GOSR2: variants seen among roughly 807,000 people sequenced by gnomAD.
GOSR2 encodes 27 kDa Golgi SNARE protein.
A neutral mutation model predicts 27.9 loss-of-function variants in GOSR2; 20 were observed. The observed-to-expected ratio is 0.72, with a 90% confidence interval of 0.50 to 1.04. The LOEUF is 1.04. Among genes scored for constraint, GOSR2 ranks in the 50% least tolerant of loss-of-function variants. The pLI is 0.00. For missense variants in GOSR2, 261 were observed against 270.5 expected (o/e 0.97, Z 0.25); for synonymous variants, 91 against 98.8 (o/e 0.92, Z 0.47).
At chr17:46,960,328 AAC>A (rs1299370504) in intron 6 of GOSR2, among the ~76,000 whole-genome samples, 3 of 152,200 alleles carry the variant, frequency 2.0e-5, no homozygotes, top group African/African-American at 4.8e-5. Flanking sequence ...CATACAAACA[AAC>A]ACAACACAAA....
At chr17:46,965,710 C>T (rs1364368052) in intron 6 of GOSR2, among the ~76,000 whole-genome samples, 1 of 152,176 alleles carries the variant, frequency 6.6e-6, no homozygotes, top group African/African-American at 2.4e-5. Context: ...GCAGCCTCGA[C>T]CTCCTGGGCT....
intron 1 of GOSR2, among the ~76,000 whole-genome samples, chr17:46,924,652 T>C (rs1203844750): frequency 6.6e-6 from 1 of 152,230 alleles, no homozygotes; most frequent in Non-Finnish European, 1.5e-5. Context: ...GGCGATGAGG[T>C]GTTTCATTTG....
At chr17:46,974,597 G>A (rs971121143) in intron 6 of GOSR2, among the ~76,000 whole-genome samples, 2 of 152,190 alleles carry the variant, frequency 1.3e-5, no homozygotes, top group Non-Finnish European at 2.9e-5. Flanking sequence ...AGCTGGGCGT[G>A]GTGGCGGGCG....
At chr17:46,972,678 G>A (rs560275497) in intron 6 of GOSR2, among the ~76,000 whole-genome samples, 31 of 152,320 alleles carry the variant, frequency 2.0e-4, no homozygotes, top group African/African-American at 6.5e-4. Flanking sequence ...GGAGAAACCC[G>A]GGTTTACAGC....
downstream of GOSR2, among the ~76,000 whole-genome samples, chr17:46,970,169 T>C (rs986128489): frequency 1.3e-5 from 2 of 152,210 alleles, no homozygotes; most frequent in African/African-American, 2.4e-5. Context: ...ATCCCACGGC[T>C]GTCCTGCCTC....
At position 46,931,109 on chromosome 17, in the gene GOSR2, C is replaced by A; in HGVS notation, c.105C>A (p.Asn35Lys). 1 of 1,584,044 alleles carries A rather than the reference C, an allele frequency of 6.3e-7. No individual in the cohort carries two copies. The highest frequency in any genetic ancestry group is 1.1e-5 in the South Asian group (1 of 90,442). ...ADKQSVHIVE[N>K]EIQASIDQIF... is the part of the protein sequence containing the mutation. ...TTCTTTTTTGTACAGTAGTAGAAAA[C>A]GAAATCCAAGCAAGCATAGACCAGA... The change falls in exon 3 of 6, where the codon AAC becomes AAA. Residue 35 changes from asparagine to lysine, a missense_variant. Physicochemically the swap from Asn to Lys is moderately conservative, Grantham distance 94. Coordinates refer to ENST00000640051, the MANE Select transcript of GOSR2 (RefSeq NM_004287.5).
rs1599074418 is a variant in GOSR2, at chr17:46,940,812, A to C, written c.*2052A>C. ...CAGAGGTGGTTTTTGGGTCTTTACC[A>C]CCTGCGGCTGGTGGACAGCAGCCAG... is the stretch of plus-strand genomic sequence containing the variant. On this transcript the variant is annotated 3_prime_UTR_variant, in exon 6 of 6. Coordinates refer to ENST00000640051, the MANE Select transcript of GOSR2 (RefSeq NM_004287.5). 6.8e-7 allele frequency: 1 copy of C among 1,473,964 alleles called. No individual in the cohort carries two copies. Among genetic ancestry groups the C allele is most frequent in the Admixed American group, 2.2e-5 (1 of 45,964 alleles). The allele number at this position is 1,473,964 out of a possible 1,614,324, so 91.3% of individuals were successfully genotyped here. A position where few individuals can be genotyped will look rare whatever the true frequency, so the allele number is the denominator to read the frequency against.
chr17:46,958,154 T>C (rs2090841164), intron 6 of GOSR2, among the ~76,000 whole-genome samples: 1 of 152,156 alleles, frequency 6.6e-6, no homozygotes, highest in South Asian at 2.1e-4. Flanking sequence ...CCAGGGGGCC[T>C]CAGAGGAGCT....
chr17:46,950,623 G>C (rs190439549), intron 6 of GOSR2, among the ~76,000 whole-genome samples: 7 of 152,276 alleles, frequency 4.6e-5, no homozygotes, highest in East Asian at 1.9e-4. Context: ...TGAACTTAGC[G>C]GGGGAGATGA....
chr17:46,944,436 C>T (rs946634456), downstream of GOSR2, among the ~76,000 whole-genome samples: 7 of 152,052 alleles, frequency 4.6e-5, no homozygotes, highest in African/African-American at 1.2e-4. Context: ...ACATGAGGCC[C>T]GAGTCACGTA....
At chr17:46,925,536 T>C (rs973899593) in intron 1 of GOSR2, among the ~76,000 whole-genome samples, 6 of 152,212 alleles carry the variant, frequency 3.9e-5, no homozygotes, top group African/African-American at 1.4e-4. Context: ...ATCTGTAGAA[T>C]GATATTATAA....
exon 7 of GOSR2, chr17:46,975,519 G>C (rs986336460): frequency 2.0e-5 from 3 of 152,430 alleles, no homozygotes; most frequent in Non-Finnish European, 2.9e-5. Flanking sequence ...ATTATATAAG[G>C]CAGCCCAGTA....
chr17:46,954,078 G>A (rs1373456016), intron 6 of GOSR2, among the ~76,000 whole-genome samples: 4 of 152,126 alleles, frequency 2.6e-5, no homozygotes, highest in Non-Finnish European at 4.4e-5. Context: ...TGTTGCCATC[G>A]CTTTTGGTGT....
Position 46,941,424 on chromosome 17 carries a change from G to A in GOSR2, c.*2664G>A. Reference sequence around the variant, plus strand: ...ATAACTAATGGCCCCCTTTTTTTATGTTTCTAGGCCAGAGATTCTCAAACA... The same window carrying A: ...ATAACTAATGGCCCCCTTTTTTTATATTTCTAGGCCAGAGATTCTCAAACA... On this transcript the variant is annotated 3_prime_UTR_variant, in exon 6 of 6. Coordinates refer to ENST00000640051, the MANE Select transcript of GOSR2 (RefSeq NM_004287.5). 1.0e-6 allele frequency: 1 copy of A among 984,230 alleles called. No individual in the cohort carries two copies. Among genetic ancestry groups the A allele is most frequent in the Non-Finnish European group, 1.2e-6 (1 of 828,998 alleles). The allele number at this position is 984,230 out of a possible 1,614,324, so 61.0% of individuals were successfully genotyped here.
At chr17:46,936,468 C>A in intron 5 of GOSR2, 1 of 985,372 alleles carries the variant, frequency 1.0e-6, no homozygotes, top group Non-Finnish European at 1.2e-6. Flanking sequence ...TCTAACTTTC[C>A]TCTGCACACC....
intron 6 of GOSR2, among the ~76,000 whole-genome samples, chr17:46,972,285 T>A (rs574197921): frequency 6.6e-6 from 1 of 152,326 alleles, no homozygotes; most frequent in African/African-American, 2.4e-5. Context: ...CTCCCTGCTG[T>A]CCTTTCATAT....
chr17:46,934,922 A>G lies in GOSR2; in HGVS notation c.337-107A>G, dbSNP rs2088037307. 4.1e-6 allele frequency: 4 copies of G among 973,416 alleles called. No individual in the cohort carries two copies. The Admixed American group carries it at 5.1e-5, about 12-fold the overall frequency. 60.3% of individuals were successfully genotyped at this position (973,416 alleles called of 1,614,324 possible). A position where few individuals can be genotyped will look rare whatever the true frequency, so the allele number is the denominator to read the frequency against. On this transcript the variant is annotated intron_variant, in intron 4 of 5. Transcript: ENST00000640051. Reference sequence around the variant, plus strand: ...ATTAGGGTCCGCTGATTCTTTCACCAGCCCCTCCGGCTGTTCTGGCTTGGC... The same window carrying G: ...ATTAGGGTCCGCTGATTCTTTCACCGGCCCCTCCGGCTGTTCTGGCTTGGC...
downstream of GOSR2, among the ~76,000 whole-genome samples, chr17:46,946,655 G>T (rs2089923311): frequency 6.6e-6 from 1 of 152,148 alleles, no homozygotes; most frequent in Admixed American, 6.6e-5. Context: ...CTGAGGCCAG[G>T]AGTTCGAGAC....
chr17:46,969,912 C>T (rs1460738212), downstream of GOSR2, among the ~76,000 whole-genome samples: 2 of 152,140 alleles, frequency 1.3e-5, no homozygotes, highest in African/African-American at 4.8e-5. Context: ...TCCCTCAACT[C>T]CCACCTCTGC....
Sources: allele counts gnomAD v4.1 joint callset (sites outside exome capture counted in the v4.1 genomes callset), GRCh38; gene constraint gnomAD v4.1.1; transcripts MANE v1.5; gene names NCBI Gene and HGNC (gene_info 2026-07-23, HGNC 2026-07-21).